DLG2: variants seen among roughly 807,000 people sequenced by gnomAD.
The protein encoded by DLG2 is disks large homolog 2.
In DLG2, 45 loss-of-function variants were observed where a neutral mutation model predicts 132.5. The ratio of observed to expected loss-of-function variants is 0.34; its 90% CI spans 0.27 to 0.44. The LOEUF is 0.44. Ranked by LOEUF, DLG2 falls within the 20% of genes least tolerant of loss-of-function variation. The pLI, the probability that DLG2 is intolerant of heterozygous loss-of-function variation, is 1.00. For missense variants in DLG2, 1,045 were observed against 1,196.9 expected (o/e 0.87, Z 1.87); for synonymous variants, 424 against 419.6 (o/e 1.01, Z -0.13).
At chr11:85,090,664 G>A (rs1207180599) in intron 6 of DLG2, among the ~76,000 whole-genome samples, 3 of 152,094 alleles carry the variant, frequency 2.0e-5, no homozygotes, top group Non-Finnish European at 4.4e-5. Context: ...GGGTAAGCTT[G>A]TATTAGTCTA....
chr11:85,121,052 T>C (rs1344714216), intron 5 of DLG2, among the ~76,000 whole-genome samples: 1 of 152,002 alleles, frequency 6.6e-6, no homozygotes, highest in African/African-American at 2.4e-5. Flanking sequence ...ATAATTACTA[T>C]TATAGTTTTT....
intron 4 of DLG2, among the ~76,000 whole-genome samples, chr11:85,242,996 C>A (rs79424348): frequency 2.0e-5 from 3 of 151,882 alleles, no homozygotes; most frequent in African/African-American, 7.2e-5. Context: ...ACCATGGTAA[C>A]GATCCAGGCA....
intron 3 of DLG2, among the ~76,000 whole-genome samples, chr11:85,345,460 T>C (rs2082769024): frequency 6.6e-6 from 1 of 152,250 alleles, no homozygotes; most frequent in East Asian, 1.9e-4. Context: ...GTTTTACACA[T>C]ATTTTTTATT....
intron 4 of DLG2, among the ~76,000 whole-genome samples, chr11:85,188,801 C>G (rs553660613): frequency 6.6e-6 from 1 of 152,190 alleles, no homozygotes; most frequent in South Asian, 2.1e-4. Flanking sequence ...TAGAAATGAT[C>G]TAACCTGAAG....
intron 7 of DLG2, among the ~76,000 whole-genome samples, chr11:84,330,974 A>G (rs2098455819): frequency 6.6e-6 from 1 of 152,206 alleles, no homozygotes; most frequent in African/African-American, 2.4e-5. Context: ...GTTCTTATTT[A>G]CAGATCCTAA....
At chr11:84,804,069 T>C (rs2075728396) in intron 6 of DLG2, among the ~76,000 whole-genome samples, 1 of 152,230 alleles carries the variant, frequency 6.6e-6, no homozygotes, top group Admixed American at 6.5e-5. Flanking sequence ...TGCATTATTA[T>C]TGCTACTATT....
intron 6 of DLG2, among the ~76,000 whole-genome samples, chr11:85,064,606 C>T (rs768682168): frequency 2.0e-5 from 3 of 151,600 alleles, no homozygotes; most frequent in East Asian, 1.9e-4. Flanking sequence ...GAAAGGGGTG[C>T]GATAGTTAGT....
chr11:84,471,124 C>G (rs1051492514), intron 7 of DLG2, among the ~76,000 whole-genome samples: 1 of 151,750 alleles, frequency 6.6e-6, no homozygotes, highest in African/African-American at 2.4e-5. Context: ...CAGCTAGTAA[C>G]ATTCTGGCAA....
chr11:83,854,055 A>T (rs1484328888), intron 16 of DLG2, among the ~76,000 whole-genome samples: 1 of 152,196 alleles, frequency 6.6e-6, no homozygotes, highest in Non-Finnish European at 1.5e-5. Flanking sequence ...ATTAGTACAA[A>T]AAAGCCAATT....
At chr11:84,803,160 A>G (rs888200896) in intron 6 of DLG2, among the ~76,000 whole-genome samples, 8 of 152,216 alleles carry the variant, frequency 5.3e-5, no homozygotes, top group African/African-American at 1.9e-4. Context: ...TTGTAAAGAT[A>G]AAATGAAATA....
chr11:85,598,398 T>C (rs1466943757), intron 3 of DLG2, among the ~76,000 whole-genome samples: 1 of 152,186 alleles, frequency 6.6e-6, no homozygotes, highest in Non-Finnish European at 1.5e-5. Context: ...TCTTCCTTTA[T>C]GAAACATTCT....
chr11:84,389,267 G>T (rs983866726), intron 7 of DLG2, among the ~76,000 whole-genome samples: 1 of 151,984 alleles, frequency 6.6e-6, no homozygotes, highest in Non-Finnish European at 1.5e-5. Flanking sequence ...TGGGTACTTT[G>T]CACAGCCTTG....
At chr11:84,645,786 G>A (rs1192916268) in intron 6 of DLG2, among the ~76,000 whole-genome samples, 1 of 152,094 alleles carries the variant, frequency 6.6e-6, no homozygotes, top group Non-Finnish European at 1.5e-5. Flanking sequence ...ATTTAATAAT[G>A]TTTTTGCATA....
chr11:83,941,093 C>A (rs1335923056), intron 14 of DLG2, among the ~76,000 whole-genome samples: 1 of 152,102 alleles, frequency 6.6e-6, no homozygotes, highest in African/African-American at 2.4e-5. Flanking sequence ...ATATAGGATG[C>A]CCCAGTTACA....
chr11:85,148,664 G>T (rs1160777952), intron 5 of DLG2, among the ~76,000 whole-genome samples: 1 of 152,048 alleles, frequency 6.6e-6, no homozygotes, highest in Non-Finnish European at 1.5e-5. Flanking sequence ...TTGTCAGATG[G>T]GTAGATTGCA....
intron 8 of DLG2, among the ~76,000 whole-genome samples, chr11:84,165,760 T>C (rs948866014): frequency 1.3e-5 from 2 of 152,002 alleles, no homozygotes; most frequent in Admixed American, 1.3e-4. Flanking sequence ...TAGCTGGGCA[T>C]AGTGACAGGT....
intron 6 of DLG2, among the ~76,000 whole-genome samples, chr11:85,040,116 T>A (rs2061731767): frequency 6.6e-6 from 1 of 151,872 alleles, no homozygotes; most frequent in South Asian, 2.1e-4. Context: ...CCACAAAAGA[T>A]CATAAATTAT....
intron 6 of DLG2, among the ~76,000 whole-genome samples, chr11:85,074,147 C>T (rs534011653): frequency 1.3e-5 from 2 of 151,960 alleles, no homozygotes; most frequent in Non-Finnish European, 2.9e-5. Context: ...AGGTGCTATG[C>T]TCATTACCAA....
At chr11:84,650,895 A>ATATATG (rs2099681244) in intron 6 of DLG2, among the ~76,000 whole-genome samples, 1 of 146,446 alleles carries the variant, frequency 6.8e-6, no homozygotes, top group South Asian at 2.1e-4. Flanking sequence ...ATATATATAT[A>ATATATG]TATATAAAAT....
Sources: allele counts gnomAD v4.1 joint callset (sites outside exome capture counted in the v4.1 genomes callset), GRCh38; gene constraint gnomAD v4.1.1; transcripts MANE v1.5; gene names NCBI Gene and HGNC (gene_info 2026-07-23, HGNC 2026-07-21).